Variants in EPS15L1 observed in about 807,000 individuals in gnomAD.
EPS15L1 encodes the protein epidermal growth factor receptor pathway substrate 15 like 1.
A neutral mutation model predicts 117.1 loss-of-function variants in EPS15L1; 43 were observed. The observed-to-expected ratio is 0.37, with a 90% CI of 0.29 to 0.47. EPS15L1 has a LOEUF of 0.47. EPS15L1 is among the 20% of genes least tolerant of loss of function. The probability of loss-of-function intolerance (pLI) is 0.99; values close to 1 mark genes in which losing one functional copy is unlikely to be tolerated. For synonymous variants in EPS15L1, 459 were observed against 470.5 expected (o/e 0.98, Z 0.32); for missense variants, 981 against 1,164.0 (o/e 0.84, Z 2.29).
chr19:16,381,840 C>T lies in EPS15L1; in HGVS notation c.2247+3289G>A, dbSNP rs530201726. 2.6e-5 allele frequency among the ~76,000 whole-genome samples: 4 copies of T among 152,348 alleles called. No individual in the cohort carries two copies. Among genetic ancestry groups the T allele is most frequent in the South Asian group, 4.1e-4 (2 of 4,828 alleles). ...GGGCCTAGGGCCCGTGCGAGTCCCC[C>T]GCGGCCTGGGATGGGGAGCCAAGCA... On this transcript the variant is annotated intron_variant, in intron 21 of 23. Coordinates refer to ENST00000455140, the MANE Select transcript of EPS15L1 (RefSeq NM_001258374.3). This position sits in a 1 kb window ranked among gnomAD's most constrained non-coding sequence, Gnocchi z 4.2.
intron 16 of EPS15L1, among the ~76,000 whole-genome samples, chr19:16,399,793 A>T (rs781034712): frequency 6.6e-6 from 1 of 151,324 alleles, no homozygotes; most frequent in Non-Finnish European, 1.5e-5. Flanking sequence ...AAGGACTGGG[A>T]TTACAGGTGT....
At chr19:16,439,691 T>C (rs1349849656) in intron 4 of EPS15L1, among the ~76,000 whole-genome samples, 2 of 145,610 alleles carry the variant, frequency 1.4e-5, no homozygotes, top group African/African-American at 2.5e-5. Context: ...GCTCAAAAAA[T>C]AAAAAATAAA....
rs567265352 is a variant in EPS15L1, at chr19:16,355,764, C to G, written c.2674G>C (p.Glu892Gln). The change falls in exon 24 of 24, where the codon GAG (glutamate) becomes CAG (glutamine). Residue 892 changes from glutamate to glutamine, a missense_variant. Glu to Gln is a conservative substitution (Grantham distance 29). Coordinates refer to ENST00000455140, the MANE Select transcript of EPS15L1 (RefSeq NM_001258374.3). Reference sequence around the variant, plus strand: ...ATGGCCAGTTCCAGGTCCTCCTGCTCCTGCCGCCGCAGCCGCGCCAGCCTC... The same window carrying G: ...ATGGCCAGTTCCAGGTCCTCCTGCTGCTGCCGCCGCAGCCGCGCCAGCCTC... The part of the protein sequence containing the change: ...QERLARLRRQ[E>Q]QEDLELAIAL... The G allele has an allele frequency of 6.5e-7, 1 of 1,536,088 alleles. No homozygotes were observed. Among genetic ancestry groups the G allele is most frequent in the African/African-American group, 1.4e-5 (1 of 73,190 alleles).
intron 21 of EPS15L1, among the ~76,000 whole-genome samples, chr19:16,378,938 G>A (rs1298238474): frequency 6.6e-6 from 1 of 152,174 alleles, no homozygotes; most frequent in African/African-American, 2.4e-5. Context: ...AAATAACTAG[G>A]AAATTATAGG....
chr19:16,358,969 G>A (rs1350483526), intron 23 of EPS15L1, among the ~76,000 whole-genome samples: 1 of 152,218 alleles, frequency 6.6e-6, no homozygotes, highest in East Asian at 1.9e-4. Flanking sequence ...ATACCAGAGA[G>A]GGAAGAGGTT....
intron 21 of EPS15L1, among the ~76,000 whole-genome samples, chr19:16,380,590 C>T (rs1220986376): frequency 2.0e-5 from 3 of 152,056 alleles, no homozygotes; most frequent in Admixed American, 6.5e-5. Flanking sequence ...GTCACACAGA[C>T]GCAGCCATCT....
chr19:16,453,483 G>A (rs1158416159), intron 1 of EPS15L1, among the ~76,000 whole-genome samples: 1 of 152,132 alleles, frequency 6.6e-6, no homozygotes, highest in Admixed American at 6.5e-5. Flanking sequence ...GGAGGCCGAG[G>A]TGGGCGGATC....
At chr19:16,418,424 G>A (rs1191622075) in intron 10 of EPS15L1, among the ~76,000 whole-genome samples, 1 of 152,208 alleles carries the variant, frequency 6.6e-6, no homozygotes, top group Non-Finnish European at 1.5e-5. Flanking sequence ...CTTATCTCGT[G>A]CGTGGGGCAG....
intron 3 of EPS15L1, 89 bp from the exon 4 acceptor site, chr19:16,440,998 G>T: frequency 8.1e-7 from 1 of 1,241,078 alleles, no homozygotes; most frequent in Non-Finnish European, 1.2e-6. Flanking sequence ...CCCCATCACT[G>T]GCCTTGCGGG....
intron 1 of EPS15L1, among the ~76,000 whole-genome samples, chr19:16,459,688 G>A (rs2145171269): frequency 6.6e-6 from 1 of 152,274 alleles, no homozygotes; most frequent in East Asian, 1.9e-4. Flanking sequence ...AATACACTCT[G>A]CAATGGGAAG....
chr19:16,460,789 A>AC (rs2093241181), intron 1 of EPS15L1, among the ~76,000 whole-genome samples: 2 of 152,126 alleles, frequency 1.3e-5, no homozygotes, highest in Non-Finnish European at 1.5e-5. Context: ...CGTGTCTGGG[A>AC]CCCCCCAACC....
At chr19:16,449,592 C>CA (rs200414981) in intron 1 of EPS15L1, among the ~76,000 whole-genome samples, 63 of 151,262 alleles carry the variant, frequency 4.2e-4, no homozygotes, top group African/African-American at 1.0e-3. Flanking sequence ...ACAACAACAA[C>CA]AAAAAAAAAC....
intron 1 of EPS15L1, among the ~76,000 whole-genome samples, chr19:16,462,548 G>A (rs1280133692): frequency 1.3e-5 from 2 of 152,230 alleles, no homozygotes; most frequent in Non-Finnish European, 1.5e-5. Flanking sequence ...GTGTGCACCT[G>A]TAATCCCAGC....
rs2092902320 is a variant in EPS15L1 at position 16,428,736 on chromosome 19, T to C, written c.524A>G (p.Lys175Arg). Residue 175 changes from lysine (K) to arginine (R), a missense_variant, in exon 8 of 24, where the codon AAG (lysine) becomes AGG (arginine). By Grantham distance (26) the Lys-to-Arg change is conservative (BLOSUM62 2). This residue lies in a region of EPS15L1 where 819 missense variants were observed against 949.0 expected (regional missense o/e 0.86). Coordinates refer to ENST00000455140, the MANE Select transcript of EPS15L1 (RefSeq NM_001258374.3). Reference sequence around the variant, plus strand: ...CTCATCTCGATCCAAGTGCCCATCCTTGTCAATGTCACTGAGGTCCCAGAC... The same window carrying C: ...CTCATCTCGATCCAAGTGCCCATCCCTGTCAATGTCACTGAGGTCCCAGAC... ...GRVWDLSDIDKDGHLDRDEFA... is the reference protein window; with the variant it reads ...GRVWDLSDIDRDGHLDRDEFA... 6.2e-7 allele frequency: 1 copy of C among 1,611,604 alleles called. No homozygotes were observed. Among genetic ancestry groups the C allele is most frequent in the African/African-American group, 1.3e-5 (1 of 75,018 alleles).
intron 3 of EPS15L1, chr19:16,441,660 G>C: frequency 3.5e-6 from 1 of 282,694 alleles, no homozygotes; most frequent in Non-Finnish European, 6.5e-6. Flanking sequence ...AAGTCCACAA[G>C]CTATCAAGAC....
chr19:16,410,222 A>G (rs78481157), intron 13 of EPS15L1, among the ~76,000 whole-genome samples: 2,036 of 152,302 alleles, frequency 0.013, 41 homozygotes, highest in African/African-American at 0.046. Context: ...TTTTTCTCCA[A>G]TGACTACATA....
intron 6 of EPS15L1, among the ~76,000 whole-genome samples, chr19:16,436,192 A>G (rs754750487): frequency 6.6e-6 from 1 of 152,178 alleles, no homozygotes; most frequent in East Asian, 1.9e-4. Flanking sequence ...ACATGGGACG[A>G]AAGTGCTTGG....
chr19:16,386,126 C>T, intron 20 of EPS15L1, 45 bp downstream of exon 20: 1 of 1,469,426 alleles, frequency 6.8e-7, no homozygotes, highest in Non-Finnish European at 9.5e-7. Flanking sequence ...AGCTCTGCTA[C>T]TGCCCAAGGA....
At position 16,404,477 on chromosome 19, in the gene EPS15L1, A is replaced by C. The variant is rs1212988162; in HGVS notation, c.1428+111T>G. 1 of 1,244,196 alleles carries C rather than the reference A, an allele frequency of 8.0e-7. No homozygotes were observed. The highest frequency in any genetic ancestry group is 1.1e-6 in the Non-Finnish European group (1 of 887,408). The allele number at this position is 1,244,196 out of a possible 1,614,324, so 77.1% of individuals were successfully genotyped here. ...CGTGGTGTTTGGAGGAACTCTATTG[A>C]CCCAGTAGGATGTCTAAGTGTTGTG... On this transcript the variant is annotated intron_variant, in intron 14 of 23. Transcript: ENST00000455140. The surrounding 1 kb of genome is among the most constrained non-coding windows in gnomAD (Gnocchi z 4.2).
Sources: gnomAD v4.1 joint callset for allele counts (sites outside exome capture counted in the v4.1 genomes callset) on GRCh38, gnomAD v4.1.1 for gene constraint, gnomAD v4.1.1 regional missense constraint, Gnocchi (gnomAD v3.1) non-coding constraint, MANE v1.5 for transcripts, NCBI Gene and HGNC (gene_info 2026-07-23, HGNC 2026-07-21) for gene names.